The following CLVS1 variants were observed in gnomAD, a reference collection of about 807,000 sequenced individuals.
The protein encoded by CLVS1 is clavesin-1.
Under a neutral mutation model 33.1 loss-of-function variants are expected in CLVS1, and 10 were observed. The observed-to-expected ratio is 0.30, with a 90% CI of 0.19 to 0.51. The LOEUF (loss-of-function observed/expected upper bound fraction) is 0.51. CLVS1 is among the 20% of genes least tolerant of loss of function. The pLI is 0.97. For synonymous variants in CLVS1, 163 were observed against 166.1 expected, an observed-to-expected ratio of 0.98 and a Z score of 0.14; for missense variants, 343 against 433.4, an observed-to-expected ratio of 0.79 and a Z score of 1.85.
chr8:61,301,819 G>T (rs771463792), intron 2 of CLVS1, among the ~76,000 whole-genome samples: 92 of 152,154 alleles, frequency 6.0e-4, no homozygotes, highest in Non-Finnish European at 1.1e-3. Flanking sequence ...TCCCACGACT[G>T]CAGGTTCCTT....
intron 4 of CLVS1, among the ~76,000 whole-genome samples, chr8:61,457,352 C>T (rs1459347596): frequency 1.3e-5 from 2 of 152,120 alleles, no homozygotes; most frequent in African/African-American, 4.8e-5. Context: ...TTTATGCCTG[C>T]AACATGAAGA....
intron 2 of CLVS1, among the ~76,000 whole-genome samples, chr8:61,203,418 C>T (rs192300130): frequency 4.5e-4 from 68 of 152,172 alleles, no homozygotes; most frequent in African/African-American, 1.5e-3. Flanking sequence ...TGGAACTCCA[C>T]CCTTTGCTTG....
intron 1 of CLVS1, chr8:61,090,817 T>C (rs990035783): frequency 2.0e-6 from 1 of 512,740 alleles, no homozygotes; most frequent in Non-Finnish European, 3.9e-6. Flanking sequence ...TGCAGATTCA[T>C]CTGTACCCGA....
chr8:61,241,090 C>T (rs944777028), intron 2 of CLVS1, among the ~76,000 whole-genome samples: 1 of 152,072 alleles, frequency 6.6e-6, no homozygotes, highest in African/African-American at 2.4e-5. Flanking sequence ...GTCATCCTTA[C>T]ATGGCAGTCA....
chr8:61,185,308 A>AT (rs11423051), intron 2 of CLVS1, among the ~76,000 whole-genome samples: 90,255 of 138,558 alleles, frequency 0.65, 30,945 homozygotes, highest in Middle Eastern at 0.86. Flanking sequence ...TGCCCGGCTA[A>AT]TTTTTTTTTT....
intron 1 of CLVS1, among the ~76,000 whole-genome samples, chr8:61,064,753 G>C (rs1413181270): frequency 1.3e-5 from 2 of 151,830 alleles, no homozygotes; most frequent in Admixed American, 1.3e-4. Flanking sequence ...CCAGGCTGGA[G>C]TACAGTGGCA....
chr8:61,374,815 T>A (rs1207753399), intron 2 of CLVS1, among the ~76,000 whole-genome samples: 1 of 152,130 alleles, frequency 6.6e-6, no homozygotes, highest in Non-Finnish European at 1.5e-5. Flanking sequence ...GTGTGTGGTG[T>A]GGGGAGACTT....
chr8:61,103,980 G>C (rs879108328), intron 1 of CLVS1, among the ~76,000 whole-genome samples: 1 of 152,148 alleles, frequency 6.6e-6, no homozygotes, highest in Admixed American at 6.5e-5. Flanking sequence ...GGTATTCAGG[G>C]TCATGATACA....
intron 5 of CLVS1, chr8:61,465,012 A>G (rs1365752097): frequency 6.6e-6 from 1 of 152,230 alleles, no homozygotes; most frequent in African/African-American, 2.4e-5. Flanking sequence ...CTCTCACCTG[A>G]CAGAGAGGTC....
intron 3 of CLVS1, among the ~76,000 whole-genome samples, chr8:61,441,652 C>G (rs1266662921): frequency 2.0e-5 from 3 of 152,146 alleles, no homozygotes; most frequent in Non-Finnish European, 2.9e-5. Flanking sequence ...CCAGCAGAAA[C>G]TGAGCCAACG....
chr8:61,230,332 G>T (rs552774745), intron 2 of CLVS1, among the ~76,000 whole-genome samples: 17 of 152,306 alleles, frequency 1.1e-4, no homozygotes, highest in South Asian at 8.3e-4. Flanking sequence ...GGACTGCCCA[G>T]TTCTAGATCC....
chr8:61,280,052 T>C (rs900488059), intron 2 of CLVS1, among the ~76,000 whole-genome samples: 4 of 152,118 alleles, frequency 2.6e-5, no homozygotes, highest in Non-Finnish European at 5.9e-5. Context: ...ATTCAAAGCA[T>C]AGGGGTAAAA....
chr8:61,376,554 C>A, intron 2 of CLVS1, 51 bp from the exon 3 acceptor site: 1 of 1,566,246 alleles, frequency 6.4e-7, no homozygotes. Context: ...ACGCAACATG[C>A]TATCACCTGC....
At chr8:61,276,124 A>G (rs149536998) in intron 2 of CLVS1, among the ~76,000 whole-genome samples, 85 of 152,352 alleles carry the variant, frequency 5.6e-4, no homozygotes, top group African/African-American at 1.7e-3. Flanking sequence ...TTTCTAAGAT[A>G]CTTGGATTAA....
rs749525043 is a variant in CLVS1 at position 61,300,263 on chromosome 8, G to A, written c.436G>A (p.Ala146Thr). 3 of 1,613,550 alleles carry A rather than the reference G, an allele frequency of 1.9e-6. No individual in the cohort carries two copies. Among genetic ancestry groups the A allele is most frequent in the African/African-American group, 2.7e-5 (2 of 74,994 alleles). ...CAGGAAGATTCTTTTGCTGTTTGCA[G>A]CCAATTGGGATCAGAGTAGGTAAAT... ...YGRKILLLFA[A>T]NWDQSRNSFT... The change falls in exon 2 of 6, where the codon GCC becomes ACC. Residue 146 changes from alanine (A) to threonine (T), a missense_variant. By Grantham distance (58) the Ala-to-Thr change is moderately conservative. This residue lies in a region of CLVS1 where 166 missense variants were observed against 244.0 expected (regional missense o/e 0.68). Transcript: ENST00000325897.
At chr8:61,381,448 A>G (rs1813874227) in intron 3 of CLVS1, among the ~76,000 whole-genome samples, 1 of 151,564 alleles carries the variant, frequency 6.6e-6, no homozygotes, top group African/African-American at 2.4e-5. Flanking sequence ...TTCAACTTTT[A>G]TTTTAGGCTC....
At chr8:61,145,714 C>T (rs145111541) in intron 2 of CLVS1, among the ~76,000 whole-genome samples, 46 of 152,286 alleles carry the variant, frequency 3.0e-4, no homozygotes, top group East Asian at 2.9e-3. Flanking sequence ...CCCCTCCCCT[C>T]GGGCAAGTCA....
At chr8:61,415,323 G>T (rs79485055) in intron 3 of CLVS1, among the ~76,000 whole-genome samples, 1 of 152,202 alleles carries the variant, frequency 6.6e-6, no homozygotes, top group Non-Finnish European at 1.5e-5. Context: ...AGAAGCTGGG[G>T]CACCTGCCCT....
intron 2 of CLVS1, among the ~76,000 whole-genome samples, chr8:61,304,159 A>G (rs1810532196): frequency 6.6e-6 from 1 of 152,270 alleles, no homozygotes; most frequent in South Asian, 2.1e-4. Context: ...AAGTCATTTG[A>G]ATATCTCATG....
Sources: gnomAD v4.1 joint callset for allele counts (sites outside exome capture counted in the v4.1 genomes callset) on GRCh38, gnomAD v4.1.1 for gene constraint, gnomAD v4.1.1 regional missense constraint, MANE v1.5 for transcripts, NCBI Gene and HGNC (gene_info 2026-07-23, HGNC 2026-07-21) for gene names.